Variants in SEL1L2 observed in about 807,000 individuals in gnomAD.
The protein encoded by SEL1L2 is protein sel-1 homolog 2.
SEL1L2 carries 89 observed loss-of-function variants against 98.8 expected under a neutral mutation model. That is an observed-to-expected ratio of 0.90 (90% confidence interval 0.76 to 1.07). The LOEUF (loss-of-function observed/expected upper bound fraction) is 1.07. SEL1L2 is among the 50% of genes least tolerant of loss of function. The pLI, the probability that SEL1L2 is intolerant of heterozygous loss-of-function variation, is 0.00. For synonymous variants in SEL1L2, 262 were observed against 278.5 expected, an observed-to-expected ratio of 0.94 and a Z score of 0.59; for missense variants, 788 against 812.0, an observed-to-expected ratio of 0.97 and a Z score of 0.36.
rs571508640 is a variant in SEL1L2 at position 13,936,653 on chromosome 20, T to A, written c.115-4882A>T. 8.5e-5 allele frequency among the ~76,000 whole-genome samples: 13 copies of A among 152,264 alleles called. No homozygotes were observed. The South Asian group carries it at 2.5e-3, about 29-fold the overall frequency. On this transcript the variant is annotated intron_variant, in intron 2 of 19. Coordinates refer to ENST00000284951, the MANE Select transcript of SEL1L2 (RefSeq NM_025229.2). ...CCCTACCCTCCTGCGCACCAAACTA[T>A]CCTTGAAAATCCCTAGCCTTGGAAT... is the stretch of plus-strand genomic sequence containing the variant.
intron 2 of SEL1L2, among the ~76,000 whole-genome samples, chr20:13,952,618 T>C (rs1267231909): frequency 6.6e-6 from 1 of 152,098 alleles, no homozygotes; most frequent in African/African-American, 2.4e-5. Context: ...CCCCAGGTAT[T>C]GCTAGGAAGA....
intron 1 of SEL1L2, among the ~76,000 whole-genome samples, chr20:13,972,330 T>C (rs528264371): frequency 5.1e-4 from 77 of 152,342 alleles, no homozygotes; most frequent in Non-Finnish European, 9.4e-4. Flanking sequence ...TTTTTATTCC[T>C]TGGGTATTTT....
At chr20:13,995,216 C>A (rs2052613208), upstream of SEL1L2, 1 of 177,812 alleles carries the variant, frequency 5.6e-6, no homozygotes, top group African/African-American at 2.4e-5. The surrounding 1 kb of genome is among the most constrained non-coding windows in gnomAD (Gnocchi z 4.3). Context: ...GCGCGGTCCA[C>A]CTCCCTCTCC....
intron 12 of SEL1L2, among the ~76,000 whole-genome samples, chr20:13,872,545 T>G (rs2046252146): frequency 6.6e-6 from 1 of 152,158 alleles, no homozygotes; most frequent in African/African-American, 2.4e-5. Flanking sequence ...ATCTCTTTCC[T>G]TTATAAATTA....
At chr20:13,967,324 G>A (rs1303939565) in intron 1 of SEL1L2, among the ~76,000 whole-genome samples, 1 of 152,092 alleles carries the variant, frequency 6.6e-6, no homozygotes, top group Non-Finnish European at 1.5e-5. Context: ...GCTTTTTCTT[G>A]CTCTGATCAC....
chr20:13,952,898 G>A (rs892785048), intron 2 of SEL1L2, among the ~76,000 whole-genome samples: 5 of 152,168 alleles, frequency 3.3e-5, no homozygotes, highest in African/African-American at 1.2e-4. Context: ...GTGTGGTGGC[G>A]TGTGCCTGTA....
intron 6 of SEL1L2, 37 bp from the exon 7 acceptor site, chr20:13,888,038 C>T (rs1416202145): frequency 3.2e-6 from 5 of 1,572,784 alleles, no homozygotes; most frequent in Non-Finnish European, 4.3e-6. Flanking sequence ...ACCCCCCAAA[C>T]CAGGTTGGCC....
Position 13,849,536 on chromosome 20 carries a change from A to C in SEL1L2, c.2016T>G (p.Ile672Met). ...TIGPHWDLFV[I>M]GLIVPGLILL... is the part of the protein sequence containing the mutation. ...AAATCAGCCCAGGAACAATGAGGCC[A>C]ATCACAAATAAGTCCCAGTGTGGTC... The change falls in exon 20 of 20, where the codon ATT (isoleucine) becomes ATG (methionine). Residue 672 changes from isoleucine (I) to methionine (M), a missense_variant. Ile to Met is a conservative substitution (Grantham distance 10). Transcript: ENST00000284951. 6.2e-7 allele frequency: 1 copy of C among 1,614,114 alleles called. No individual in the cohort carries two copies.
At chr20:13,951,160 C>T (rs1178767833) in intron 2 of SEL1L2, among the ~76,000 whole-genome samples, 1 of 150,970 alleles carries the variant, frequency 6.6e-6, no homozygotes, top group Non-Finnish European at 1.5e-5. Flanking sequence ...GCCTATAGTC[C>T]CAGCTACTCG....
rs1257143816 is a variant in SEL1L2 at position 13,971,606 on chromosome 20, T to G, written c.59-15475A>C. 2.6e-5 allele frequency among the ~76,000 whole-genome samples: 4 copies of G among 151,556 alleles called. No individual in the cohort carries two copies. In the East Asian group the frequency reaches 7.8e-4, roughly 29 times the overall value. ...ATAGCTAGCTAATTTTTTTTTTTTT[T>G]GTATTTTTAGTAGAGATGAGGTTTC... On this transcript the variant is annotated intron_variant, in intron 1 of 19. Coordinates refer to ENST00000284951, the MANE Select transcript of SEL1L2 (RefSeq NM_025229.2).
At chr20:13,992,368 G>A (rs888411400), upstream of SEL1L2, among the ~76,000 whole-genome samples, 2 of 152,132 alleles carry the variant, frequency 1.3e-5, no homozygotes, top group Non-Finnish European at 2.9e-5. Context: ...GCCGGGCATG[G>A]TGGTAGATGC....
rs2148244261 is a variant in SEL1L2, at chr20:13,921,084, A to G, written c.284-1961T>C. On this transcript the variant is annotated intron_variant, in intron 3 of 19. Coordinates refer to ENST00000284951, the MANE Select transcript of SEL1L2 (RefSeq NM_025229.2). ...ATAAATTTTGAAAGATTGGCTCTGT[A>G]TACATATACATATGAGAAATGATTT... 2.0e-5 allele frequency among the ~76,000 whole-genome samples: 3 copies of G among 152,336 alleles called. 1 individual carries two copies. Among genetic ancestry groups the G allele is most frequent in the Middle Eastern group, 3.4e-3 (1 of 294 alleles).
intron 5 of SEL1L2, among the ~76,000 whole-genome samples, chr20:13,912,502 G>T (rs2048248273): frequency 6.6e-6 from 1 of 151,954 alleles, no homozygotes; most frequent in South Asian, 2.1e-4. Flanking sequence ...TCACCATGTT[G>T]CCCAAGTTGG....
intron 3 of SEL1L2, 27 bp from the exon 4 acceptor site, chr20:13,919,150 A>G: frequency 7.6e-7 from 1 of 1,311,050 alleles, no homozygotes; most frequent in Non-Finnish European, 1.1e-6. Context: ...AAAAAATAAA[A>G]ACAATATTAC....
In SEL1L2 at chr20:13,879,251, G is replaced by A. The variant is rs551178526; in HGVS notation, c.958-1663C>T. Among the ~76,000 whole-genome samples, 138 of 152,306 alleles carry A rather than the reference G, an allele frequency of 9.1e-4. 2 individuals are homozygous for A. In the South Asian group the frequency reaches 0.024, roughly 26 times the overall value. ...TTCAGAAAATAGTGATTACTTCGGC[G>A]TGGCTGAAATAGAACATCCAAAAGC... On this transcript the variant is annotated intron_variant, in intron 10 of 19. Transcript: ENST00000284951.
In SEL1L2 at chr20:13,861,047, G is replaced by A. The variant is rs111955960; in HGVS notation, c.1646-1613C>T. The stretch of plus-strand genomic sequence containing the variant: ...CCTGTTGGTTCTGCCTCTAAAACAC[G>A]CTTAACTCCTGATATCTCCTCCACT... On this transcript the variant is annotated intron_variant, in intron 17 of 19. Transcript: ENST00000284951. Among the ~76,000 whole-genome samples, 254 of 152,146 alleles carry A rather than the reference G, an allele frequency of 1.7e-3. 1 individual carries two copies. The highest frequency in any genetic ancestry group is 5.6e-3 in the African/African-American group (231 of 41,502).
intron 3 of SEL1L2, among the ~76,000 whole-genome samples, chr20:13,920,363 G>T (rs1034490396): frequency 6.6e-6 from 1 of 151,876 alleles, no homozygotes; most frequent in Admixed American, 6.6e-5. Context: ...AATCAGTTTT[G>T]CAGAATTCAA....
At position 13,869,492 on chromosome 20, in the gene SEL1L2, G is replaced by T; in HGVS notation, c.1255+11C>A. The T allele has an allele frequency of 1.3e-6, 2 of 1,598,782 alleles. No homozygotes were observed. Among genetic ancestry groups the T allele is most frequent in the Non-Finnish European group, 1.7e-6 (2 of 1,166,004 alleles). On this transcript the variant is annotated intron_variant, in intron 14 of 19. Coordinates refer to ENST00000284951, the MANE Select transcript of SEL1L2 (RefSeq NM_025229.2). ...CATTCTAAATAAAGCAGCTGTATTTGTGGCACTTACAGTAGTACATGAAGC... is the reference window on the plus strand; with the variant it reads ...CATTCTAAATAAAGCAGCTGTATTTTTGGCACTTACAGTAGTACATGAAGC...
intron 18 of SEL1L2, among the ~76,000 whole-genome samples, chr20:13,856,562 A>T (rs1026126059): frequency 1.3e-5 from 2 of 151,982 alleles, no homozygotes; most frequent in African/African-American, 4.8e-5. Flanking sequence ...CCCATTATTC[A>T]TTGTTCCCAG....
Sources: allele counts gnomAD v4.1 joint callset (sites outside exome capture counted in the v4.1 genomes callset), GRCh38; gene constraint gnomAD v4.1.1; non-coding constraint Gnocchi (gnomAD v3.1); transcripts MANE v1.5; gene names NCBI Gene and HGNC (gene_info 2026-07-23, HGNC 2026-07-21).